Variants in CAMTA1 observed in about 807,000 individuals in gnomAD.
The protein encoded by CAMTA1 is calmodulin-binding transcription activator 1.
A neutral mutation model predicts 170.9 loss-of-function variants in CAMTA1; 27 were observed. That is an observed-to-expected ratio of 0.16 (90% CI 0.12 to 0.22). The LOEUF (loss-of-function observed/expected upper bound fraction) is 0.22. CAMTA1 is among the 10% of genes least tolerant of loss of function. The pLI is 1.00. For synonymous variants in CAMTA1, 833 were observed against 891.5 expected (o/e 0.93, Z 1.17); for missense variants, 1,619 against 2,217.2 (o/e 0.73, Z 5.42).
chr1:6,932,588 C>T (rs1684595365), intron 3 of CAMTA1, among the ~76,000 whole-genome samples: 1 of 152,200 alleles, frequency 6.6e-6, no homozygotes, highest in African/African-American at 2.4e-5. Flanking sequence ...TGCAAAGTGA[C>T]CACGCTGTTT....
intron 8 of CAMTA1, among the ~76,000 whole-genome samples, 182 bp from the exon 9 acceptor site, chr1:7,663,171 G>A (rs1032616862): frequency 1.3e-5 from 2 of 152,192 alleles, no homozygotes; most frequent in African/African-American, 4.8e-5. Context: ...CTTGGGGTAC[G>A]TGTCCAAGGG....
At chr1:7,433,515 G>A (rs1415684996) in intron 5 of CAMTA1, among the ~76,000 whole-genome samples, 4 of 152,188 alleles carry the variant, frequency 2.6e-5, no homozygotes, top group South Asian at 2.1e-4. Flanking sequence ...TTCTCAGGGA[G>A]GGGCCAGGTC....
chr1:7,139,231 T>C (rs947231994), intron 4 of CAMTA1, among the ~76,000 whole-genome samples: 45 of 87,128 alleles, frequency 5.2e-4, no homozygotes, highest in Middle Eastern at 5.4e-3. Flanking sequence ...ATAATATAAA[T>C]ATATATTTAT....
At chr1:7,480,414 TGTGA>T (rs367622323) in intron 6 of CAMTA1, among the ~76,000 whole-genome samples, 3 of 151,682 alleles carry the variant, frequency 2.0e-5, no homozygotes, top group East Asian at 1.9e-4. Flanking sequence ...TGTGTGTGTG[TGTGA>T]GAGAGAGAGA....
chr1:7,241,251 A>G (rs748256053), intron 4 of CAMTA1, among the ~76,000 whole-genome samples: 5 of 152,260 alleles, frequency 3.3e-5, no homozygotes, highest in Non-Finnish European at 7.3e-5. Context: ...TAAAACCCAT[A>G]TATTGAAAAC....
chr1:7,587,521 T>C (rs1251869926), intron 6 of CAMTA1, among the ~76,000 whole-genome samples: 1 of 152,136 alleles, frequency 6.6e-6, no homozygotes, highest in African/African-American at 2.4e-5. Flanking sequence ...ATTTTGATGA[T>C]ATGTTTCTAA....
intron 4 of CAMTA1, among the ~76,000 whole-genome samples, chr1:7,108,211 C>T (rs1045751740): frequency 2.0e-5 from 3 of 152,110 alleles, no homozygotes; most frequent in South Asian, 2.1e-4. Flanking sequence ...GGTCAAGAGC[C>T]GGGCTCTGTA....
At chr1:7,373,581 C>T (rs754314130) in intron 5 of CAMTA1, among the ~76,000 whole-genome samples, 2 of 152,198 alleles carry the variant, frequency 1.3e-5, no homozygotes, top group Non-Finnish European at 1.5e-5. Context: ...GCAGAGGAGC[C>T]AAGAGACAAC....
intron 2 of CAMTA1, among the ~76,000 whole-genome samples, chr1:6,824,642 A>G (rs1345369409): frequency 6.6e-6 from 1 of 152,142 alleles, no homozygotes; most frequent in African/African-American, 2.4e-5. Flanking sequence ...TTTATAGTCT[A>G]GGGGATGAAG....
At chr1:7,556,777 C>T (rs924551419) in intron 6 of CAMTA1, among the ~76,000 whole-genome samples, 3 of 152,136 alleles carry the variant, frequency 2.0e-5, no homozygotes, top group African/African-American at 7.2e-5. Context: ...AACCAGCTCC[C>T]CTCCCTCACT....
chr1:7,046,426 G>C (rs145692478), intron 3 of CAMTA1, among the ~76,000 whole-genome samples: 1 of 152,218 alleles, frequency 6.6e-6, no homozygotes, highest in African/African-American at 2.4e-5. Context: ...GAGGGAGGGA[G>C]TGCCACATGG....
In CAMTA1 at chr1:7,468,051, C is replaced by G. The variant is rs959864675; in HGVS notation, c.510+150C>G. The G allele has an allele frequency of 5.9e-6, 4 of 679,256 alleles. No individual in the cohort carries two copies. The Admixed American group carries it at 9.9e-5, about 17-fold the overall frequency. 42.1% of individuals were successfully genotyped at this position (679,256 alleles called of 1,614,324 possible). A position where few individuals can be genotyped will look rare whatever the true frequency, so the allele number is the denominator to read the frequency against. On this transcript the variant is annotated intron_variant, in intron 6 of 22. Transcript: ENST00000303635. ...TAGGGAGACTTCGGCTGTTGCGGCA[C>G]TGAGGCCAGCTCAGTGGCTGGGCTG...
At chr1:6,977,289 C>A (rs1047823530) in intron 3 of CAMTA1, among the ~76,000 whole-genome samples, 2 of 151,810 alleles carry the variant, frequency 1.3e-5, no homozygotes, top group African/African-American at 4.8e-5. Flanking sequence ...TCTGTTCACT[C>A]GGTGCCAGTG....
chr1:7,359,420 T>C (rs1574910908), intron 5 of CAMTA1, among the ~76,000 whole-genome samples: 1 of 152,274 alleles, frequency 6.6e-6, no homozygotes, highest in African/African-American at 2.4e-5. Flanking sequence ...CCTGGTTTTC[T>C]CTTGGCCTCT....
At chr1:7,310,650 T>TC (rs1491569073) in intron 5 of CAMTA1, among the ~76,000 whole-genome samples, 25 of 61,884 alleles carry the variant, frequency 4.0e-4, no homozygotes, top group African/African-American at 8.8e-4. Flanking sequence ...CTTTCTTTTT[T>TC]CTTTCTTTCT....
In CAMTA1 at chr1:7,682,108, C is replaced by A. The variant is rs71637394; in HGVS notation, c.2914+4375C>A. Among the ~76,000 whole-genome samples the A allele has an allele frequency of 0.09, 13,724 of 152,226 alleles. 757 individuals are homozygous for A. The highest frequency in any genetic ancestry group is 0.16 in the Middle Eastern group (47 of 294). On this transcript the variant is annotated intron_variant, in intron 11 of 22. Transcript: ENST00000303635. This position sits in a 1 kb window ranked among gnomAD's most constrained non-coding sequence, Gnocchi z 5.0. Reference sequence around the variant, plus strand: ...CTGGGTGAGAGGATTGGAGTGAGACCTGCGTGCAGCTCCCCTGGGCTTGGC... The same window carrying A: ...CTGGGTGAGAGGATTGGAGTGAGACATGCGTGCAGCTCCCCTGGGCTTGGC...
intron 4 of CAMTA1, among the ~76,000 whole-genome samples, chr1:7,162,715 G>C (rs1647474944): frequency 6.6e-6 from 1 of 152,136 alleles, no homozygotes; most frequent in Non-Finnish European, 1.5e-5. Flanking sequence ...CTCCTCAGTT[G>C]ATGGACATTT....
At chr1:7,351,761 T>G (rs1325113397) in intron 5 of CAMTA1, among the ~76,000 whole-genome samples, 2 of 152,208 alleles carry the variant, frequency 1.3e-5, no homozygotes, top group African/African-American at 4.8e-5. Context: ...TAAAAGGCTC[T>G]GCACTCGGAG....
At chr1:6,942,120 C>T (rs1234183033) in intron 3 of CAMTA1, among the ~76,000 whole-genome samples, 2 of 151,056 alleles carry the variant, frequency 1.3e-5, no homozygotes, top group Non-Finnish European at 2.9e-5. Context: ...TGGTTTTCTG[C>T]ACATTCCAAG....
Sources: gnomAD v4.1 joint callset for allele counts (sites outside exome capture counted in the v4.1 genomes callset) on GRCh38, gnomAD v4.1.1 for gene constraint, Gnocchi (gnomAD v3.1) non-coding constraint, MANE v1.5 for transcripts, NCBI Gene and HGNC (gene_info 2026-07-23, HGNC 2026-07-21) for gene names.